The following UNC13C variants were observed in gnomAD, a reference collection of about 807,000 sequenced individuals.
The protein encoded by UNC13C is unc-13 homolog C.
A neutral mutation model predicts 245.4 loss-of-function variants in UNC13C; 174 were observed. That is an observed-to-expected ratio of 0.71 (90% CI 0.63 to 0.80). The LOEUF is 0.80. Ranked by LOEUF, UNC13C falls within the 30% of genes least tolerant of loss-of-function variation. UNC13C has a pLI of 0.00. For missense variants in UNC13C, 2,829 were observed against 2,602.9 expected, an observed-to-expected ratio of 1.09 and a Z score of -1.89; for synonymous variants, 992 against 895.1, an observed-to-expected ratio of 1.11 and a Z score of -1.93.
intron 2 of UNC13C, among the ~76,000 whole-genome samples, chr15:54,072,552 G>A (rs772064180): frequency 1.5e-4 from 23 of 152,218 alleles, no homozygotes; most frequent in Non-Finnish European, 2.2e-4. Flanking sequence ...CTTGACTTGC[G>A]TAGATAACAC....
intron 14 of UNC13C, among the ~76,000 whole-genome samples, chr15:54,326,100 C>A (rs1439036093): frequency 6.6e-6 from 1 of 151,950 alleles, no homozygotes; most frequent in Non-Finnish European, 1.5e-5. Flanking sequence ...AAACTCTGTT[C>A]TGAAATTCAA....
At chr15:54,058,016 T>C (rs1897618610) in intron 2 of UNC13C, among the ~76,000 whole-genome samples, 1 of 152,050 alleles carries the variant, frequency 6.6e-6, no homozygotes, top group Non-Finnish European at 1.5e-5. Context: ...GCAGGAAAGA[T>C]CTAAAATTGA....
chr15:54,585,084 C>T (rs1282758968), intron 30 of UNC13C, among the ~76,000 whole-genome samples: 1 of 152,146 alleles, frequency 6.6e-6, no homozygotes, highest in Non-Finnish European at 1.5e-5. Flanking sequence ...TCTAATAGAA[C>T]CTCTCATTAT....
intron 2 of UNC13C, among the ~76,000 whole-genome samples, chr15:54,116,655 C>T (rs889037984): frequency 2.6e-5 from 4 of 152,120 alleles, no homozygotes; most frequent in Non-Finnish European, 4.4e-5. Flanking sequence ...ATATATGCCA[C>T]GTTGTCTCTA....
the UNC13C span, among the ~76,000 whole-genome samples, chr15:53,939,184 C>A: frequency 1.3e-5 from 2 of 152,126 alleles, no homozygotes; most frequent in African/African-American, 4.8e-5. Flanking sequence ...GAAATACACA[C>A]AACCATCAGA....
At chr15:54,520,984 C>A (rs912355889) in intron 24 of UNC13C, among the ~76,000 whole-genome samples, 1 of 152,016 alleles carries the variant, frequency 6.6e-6, no homozygotes, top group Non-Finnish European at 1.5e-5. Context: ...TTTATTTTAA[C>A]ATAAATGTTA....
intron 4 of UNC13C, among the ~76,000 whole-genome samples, chr15:54,224,938 T>C (rs1326286731): frequency 2.0e-5 from 3 of 152,084 alleles, no homozygotes; most frequent in Non-Finnish European, 4.4e-5. Flanking sequence ...TGGCATATAG[T>C]TGCTCATAGT....
chr15:54,014,809 G>A lies in UNC13C; in HGVS notation c.1906G>A (p.Ala636Thr), dbSNP rs768897828. 10 of 1,613,742 alleles carry A rather than the reference G, an allele frequency of 6.2e-6. No homozygotes were observed. The highest frequency in any genetic ancestry group is 1.3e-5 in the African/African-American group (1 of 74,894). Residue 636 changes from alanine (A) to threonine (T), a missense_variant, in exon 2 of 33, where the codon GCA becomes ACA. Physicochemically the swap from Ala to Thr is moderately conservative, Grantham distance 58 (BLOSUM62 0). Transcript: ENST00000260323. ...TGGAATGAGTAATGGCATGGTGTGT[G>A]CATCTGGAGACCGGAGTCATTACAG... ...DSGMSNGMVCASGDRSHYSDS... is the reference protein window; with the variant it reads ...DSGMSNGMVCTSGDRSHYSDS...
chr15:54,509,524 A>T (rs1358259320), intron 23 of UNC13C, among the ~76,000 whole-genome samples: 1 of 152,140 alleles, frequency 6.6e-6, no homozygotes, highest in African/African-American at 2.4e-5. Context: ...ACTTTGTTCC[A>T]GATTGAGATA....
At chr15:53,955,266 T>TACACACAC in the UNC13C span, among the ~76,000 whole-genome samples, 1,714 of 149,664 alleles carry the variant, frequency 0.011, 32 homozygotes, top group African/African-American at 0.039. Context: ...GACTTTTTCT[T>TACACACAC]ACACACACAC....
chr15:54,593,474 A>G (rs1159422755), intron 30 of UNC13C, among the ~76,000 whole-genome samples: 1 of 151,992 alleles, frequency 6.6e-6, no homozygotes, highest in African/African-American at 2.4e-5. Flanking sequence ...ATTTAACATA[A>G]TCCCAGGATT....
intron 28 of UNC13C, among the ~76,000 whole-genome samples, chr15:54,554,806 T>A (rs1199295003): frequency 1.3e-5 from 2 of 152,068 alleles, no homozygotes; most frequent in Non-Finnish European, 2.9e-5. Context: ...ATAAGCTTTG[T>A]ATGATGGGTT....
the UNC13C span, among the ~76,000 whole-genome samples, chr15:53,898,658 T>G: frequency 6.6e-6 from 1 of 152,314 alleles, no homozygotes; most frequent in Admixed American, 6.5e-5. Context: ...TATTGAGGTA[T>G]AATTGACAAA....
chr15:54,205,736 A>G (rs1469274789), intron 4 of UNC13C, among the ~76,000 whole-genome samples: 1 of 152,038 alleles, frequency 6.6e-6, no homozygotes, highest in Non-Finnish European at 1.5e-5. Context: ...TGCAGAATTT[A>G]TGAAGTTCTT....
At chr15:54,031,678 G>T (rs12439202) in intron 2 of UNC13C, among the ~76,000 whole-genome samples, 6,234 of 152,244 alleles carry the variant, frequency 0.041, 260 homozygotes, top group East Asian at 0.17. Context: ...GTGCATGTGT[G>T]TGCATGCATA....
At chr15:54,542,081 A>T (rs981555472) in intron 26 of UNC13C, among the ~76,000 whole-genome samples, 1 of 152,054 alleles carries the variant, frequency 6.6e-6, no homozygotes, top group Non-Finnish European at 1.5e-5. Context: ...CCTTTTCTCA[A>T]CTGTCATGCC....
chr15:54,426,616 G>A (rs1257655491), intron 19 of UNC13C, among the ~76,000 whole-genome samples: 1 of 151,614 alleles, frequency 6.6e-6, no homozygotes, highest in Admixed American at 6.6e-5. Flanking sequence ...TAAGGGAAGG[G>A]GACTACCCCA....
chr15:54,417,349 A>T (rs1353932716), intron 19 of UNC13C, among the ~76,000 whole-genome samples: 2 of 152,102 alleles, frequency 1.3e-5, no homozygotes, highest in Non-Finnish European at 2.9e-5. Context: ...CCAAGAGCTC[A>T]ACACCTTTGT....
intron 24 of UNC13C, among the ~76,000 whole-genome samples, chr15:54,514,643 G>T (rs145010856): frequency 6.6e-6 from 1 of 152,172 alleles, no homozygotes; most frequent in African/African-American, 2.4e-5. Flanking sequence ...GCATGACTGC[G>T]TGCTACTGCA....
Sources: allele counts gnomAD v4.1 joint callset (sites outside exome capture counted in the v4.1 genomes callset), GRCh38; gene constraint gnomAD v4.1.1; transcripts MANE v1.5; gene names NCBI Gene and HGNC (gene_info 2026-07-23, HGNC 2026-07-21).